The following DHRSX variants were observed in gnomAD, a reference collection of about 807,000 sequenced individuals.
DHRSX encodes the protein polyprenol dehydrogenase.
DHRSX carries 31 observed loss-of-function variants against 34.0 expected under a neutral mutation model. The ratio of observed to expected loss-of-function variants is 0.91; its 90% CI spans 0.69 to 1.23. DHRSX has a LOEUF of 1.23. Among genes scored for constraint, DHRSX ranks in the 50% most tolerant of loss-of-function variants. The pLI is 0.00. For missense variants in DHRSX, 414 were observed against 428.1 expected (o/e 0.97, Z 0.29); for synonymous variants, 201 against 183.8 (o/e 1.09, Z -0.76).
At chrX:2,237,555 G>T (rs907131195) in intron 6 of DHRSX, among the ~76,000 whole-genome samples, 4 of 151,588 alleles carry the variant, frequency 2.6e-5, no homozygotes, top group African/African-American at 9.7e-5. Context: ...GTCCAGGCTG[G>T]AGTGCAGTGG....
chrX:2,318,881 A>C (rs1287195896), intron 3 of DHRSX, among the ~76,000 whole-genome samples: 5 of 151,780 alleles, frequency 3.3e-5, no homozygotes, highest in African/African-American at 1.2e-4. Context: ...AGATCCAAGA[A>C]CCCTCTCTTG....
At chrX:2,455,823 T>C (rs1223450739) in intron 1 of DHRSX, among the ~76,000 whole-genome samples, 1 of 152,038 alleles carries the variant, frequency 6.6e-6, no homozygotes, top group East Asian at 1.9e-4. Flanking sequence ...TGATTTTTTT[T>C]TAACTCTTTT....
In DHRSX at chrX:2,404,273, G is replaced by A. The variant is rs138977223; in HGVS notation, c.286+4472C>T. Among the ~76,000 whole-genome samples the A allele has an allele frequency of 4.3e-3, 655 of 152,212 alleles. 4 individuals are homozygous for A. Among genetic ancestry groups the A allele is most frequent in the African/African-American group, 0.015 (629 of 41,526 alleles). Reference sequence around the variant, plus strand: ...ACCTGCATTTCTTGTTTACTCCCCGGAAATGCTGATGTGACAGGCCCGGAG... The same window carrying A: ...ACCTGCATTTCTTGTTTACTCCCCGAAAATGCTGATGTGACAGGCCCGGAG... On this transcript the variant is annotated intron_variant, in intron 3 of 6. Transcript: ENST00000334651.
At chrX:2,346,131 C>T (rs1361523275) in intron 3 of DHRSX, among the ~76,000 whole-genome samples, 1 of 152,064 alleles carries the variant, frequency 6.6e-6, no homozygotes, top group Non-Finnish European at 1.5e-5. Context: ...AATTTCTACT[C>T]ACTCTCTAAA....
rs189288150 is a variant in DHRSX at position 2,363,903 on chromosome X, C to T, written c.286+44842G>A. The stretch of plus-strand genomic sequence containing the variant: ...GGGAGAAGAATCCCCGCCACAAAAC[C>T]GGCCCAGGATCCTGGGCACAGAGAT... On this transcript the variant is annotated intron_variant, in intron 3 of 6. Coordinates refer to ENST00000334651, the MANE Select transcript of DHRSX (RefSeq NM_145177.3). Among the ~76,000 whole-genome samples, 937 of 152,230 alleles carry T rather than the reference C, an allele frequency of 6.2e-3. 8 individuals carry two copies. Among genetic ancestry groups the T allele is most frequent in the Middle Eastern group, 0.034 (10 of 294 alleles).
chrX:2,405,771 T>C (rs1221564023), intron 3 of DHRSX, among the ~76,000 whole-genome samples: 1 of 151,858 alleles, frequency 6.6e-6, no homozygotes, highest in Non-Finnish European at 1.5e-5. Flanking sequence ...TACTCCAGCC[T>C]GGGCAACAGA....
At chrX:2,246,723 A>AGAAAGAAAGAAG (rs2016299957) in intron 5 of DHRSX, among the ~76,000 whole-genome samples, 1 of 111,606 alleles carries the variant, frequency 9.0e-6, no homozygotes, top group Non-Finnish European at 2.3e-5. Flanking sequence ...AAAGAAAGAA[A>AGAAAGAAAGAAG]GAAAGAAAGA....
intron 4 of DHRSX, among the ~76,000 whole-genome samples, chrX:2,288,920 T>A (rs1231557951): frequency 1.3e-5 from 2 of 152,114 alleles, no homozygotes; most frequent in Non-Finnish European, 2.9e-5. Flanking sequence ...CAGAGGAGAA[T>A]CCTAGGAATG....
intron 1 of DHRSX, among the ~76,000 whole-genome samples, chrX:2,480,128 A>G (rs185444629): frequency 3.5e-4 from 53 of 152,164 alleles, no homozygotes; most frequent in Non-Finnish European, 5.9e-4. Flanking sequence ...GTGTCAATCA[A>G]CAGATGAGCG....
intron 1 of DHRSX, among the ~76,000 whole-genome samples, chrX:2,459,544 C>T (rs867180971): frequency 1.5e-5 from 1 of 68,590 alleles, no homozygotes; most frequent in East Asian, 3.9e-4. Context: ...GAATGTGTGT[C>T]TGTGTGTATA....
chrX:2,234,970 CAA>C (rs2015979951), intron 6 of DHRSX, among the ~76,000 whole-genome samples: 1 of 152,200 alleles, frequency 6.6e-6, no homozygotes, highest in Non-Finnish European at 1.5e-5. Context: ...CTCAGCCTCC[CAA>C]AGTGCTGGGA....
intron 3 of DHRSX, among the ~76,000 whole-genome samples, chrX:2,328,079 CA>C (rs35824420): frequency 1.3e-4 from 15 of 118,498 alleles, no homozygotes; most frequent in South Asian, 2.8e-4. Context: ...GACTCCGTCT[CA>C]AAAAAAAAAA....
intron 3 of DHRSX, among the ~76,000 whole-genome samples, chrX:2,405,565 G>C (rs1482641250): frequency 5.3e-5 from 8 of 152,026 alleles, no homozygotes; most frequent in Admixed American, 4.6e-4. Flanking sequence ...CAGCACTTTG[G>C]GAGGCCGAGG....
At chrX:2,283,230 G>A (rs1040743253) in intron 4 of DHRSX, among the ~76,000 whole-genome samples, 3 of 151,940 alleles carry the variant, frequency 2.0e-5, no homozygotes, top group Admixed American at 1.3e-4. Flanking sequence ...ACAGCCTGCC[G>A]CAGAGTCACA....
At chrX:2,315,699 A>C (rs1240601888) in intron 3 of DHRSX, among the ~76,000 whole-genome samples, 1 of 152,150 alleles carries the variant, frequency 6.6e-6, no homozygotes, top group Non-Finnish European at 1.5e-5. Context: ...GTAAGTCAGA[A>C]GATTGGGTTT....
chrX:2,229,439 G>A (rs1439647684), intron 6 of DHRSX, among the ~76,000 whole-genome samples: 1 of 152,044 alleles, frequency 6.6e-6, no homozygotes, highest in African/African-American at 2.4e-5. Context: ...GATGTCCCCT[G>A]CCTCTTGCCT....
At chrX:2,312,407 A>C (rs2042174590) in intron 3 of DHRSX, among the ~76,000 whole-genome samples, 1 of 152,160 alleles carries the variant, frequency 6.6e-6, no homozygotes, top group Admixed American at 6.6e-5. Context: ...AAAAAGGATG[A>C]GTTCATGTCC....
At chrX:2,337,378 C>T (rs1054862833) in intron 3 of DHRSX, among the ~76,000 whole-genome samples, 34 of 152,212 alleles carry the variant, frequency 2.2e-4, no homozygotes, top group African/African-American at 8.2e-4. Context: ...TCATATCGTT[C>T]TCTTCAATTC....
chrX:2,484,672 C>G (rs1392468751), intron 1 of DHRSX, among the ~76,000 whole-genome samples: 1 of 152,144 alleles, frequency 6.6e-6, no homozygotes, highest in Non-Finnish European at 1.5e-5. Context: ...TTATAAAACT[C>G]TCAGGTGAGC....
Sources: gnomAD v4.1 joint callset for allele counts (sites outside exome capture counted in the v4.1 genomes callset) on GRCh38, gnomAD v4.1.1 for gene constraint, MANE v1.5 for transcripts, NCBI Gene and HGNC (gene_info 2026-07-23, HGNC 2026-07-21) for gene names.